The following RBFOX2 variants were observed in gnomAD, a reference collection of about 807,000 sequenced individuals.
RBFOX2 encodes the protein RNA binding protein fox-1 homolog 2.
A neutral mutation model predicts 49.1 loss-of-function variants in RBFOX2; 10 were observed. The observed-to-expected ratio is 0.20, with a 90% confidence interval of 0.13 to 0.35. The LOEUF (loss-of-function observed/expected upper bound fraction) is 0.35. RBFOX2 is among the 10% of genes least tolerant of loss of function. The probability of loss-of-function intolerance (pLI) is 1.00; values close to 1 mark genes in which losing one functional copy is unlikely to be tolerated. For missense variants in RBFOX2, 323 were observed against 486.9 expected (o/e 0.66, Z 3.17); for synonymous variants, 183 against 187.4 (o/e 0.98, Z 0.19).
chr22:35,755,760 T>C (rs1462131684), intron 9 of RBFOX2, among the ~76,000 whole-genome samples: 2 of 152,012 alleles, frequency 1.3e-5, no homozygotes, highest in Admixed American at 1.3e-4. Flanking sequence ...GACACGACAA[T>C]AATAAAAGAC....
intron 9 of RBFOX2, among the ~76,000 whole-genome samples, chr22:35,754,616 TG>T (rs1936293336): frequency 1.3e-5 from 2 of 152,242 alleles, no homozygotes; most frequent in Admixed American, 1.3e-4. Flanking sequence ...TAACATCATA[TG>T]TAAGTCTGTG....
At chr22:35,976,710 C>A (rs1197503189) in intron 1 of RBFOX2, among the ~76,000 whole-genome samples, 2 of 152,136 alleles carry the variant, frequency 1.3e-5, no homozygotes, top group Non-Finnish European at 2.9e-5. Flanking sequence ...CATCTATAAT[C>A]CCAGCACTTT....
At chr22:35,825,196 G>A (rs977545519) in intron 1 of RBFOX2, among the ~76,000 whole-genome samples, 2 of 152,160 alleles carry the variant, frequency 1.3e-5, no homozygotes, top group African/African-American at 2.4e-5. Context: ...CTCCAGCCTG[G>A]GAGTGCAGTT....
chr22:35,999,351 C>T (rs1034222255), intron 1 of RBFOX2: 2 of 149,200 alleles, frequency 1.3e-5, no homozygotes, highest in African/African-American at 5.0e-5. Context: ...TCAAGACCAG[C>T]CTGGGTAACA....
intron 1 of RBFOX2, among the ~76,000 whole-genome samples, chr22:35,934,556 C>CT (rs1044245000): frequency 4.6e-5 from 7 of 152,104 alleles, no homozygotes; most frequent in African/African-American, 1.7e-4. Context: ...ATATGGTCAC[C>CT]TTATTTATAA....
Position 35,749,879 on chromosome 22 carries a change from T to A in RBFOX2, c.888-3318A>T, listed in dbSNP as rs1427612579. Among the ~76,000 whole-genome samples, 1 of 152,136 alleles carries A rather than the reference T, an allele frequency of 6.6e-6. No homozygotes were observed. Among genetic ancestry groups the A allele is most frequent in the African/African-American group, 2.4e-5 (1 of 41,418 alleles). ...ACATTAAAAACTAAGCATGCCAACA[T>A]CTGGAGCTAAACAACCAGCAAAATC... is the stretch of plus-strand genomic sequence containing the variant. On this transcript the variant is annotated intron_variant, in intron 9 of 11. Coordinates refer to ENST00000405409, the Ensembl canonical transcript of RBFOX2. This position sits in a 1 kb window ranked among gnomAD's most constrained non-coding sequence, Gnocchi z 4.1.
At chr22:35,820,399 T>C (rs1236538150) in intron 1 of RBFOX2, among the ~76,000 whole-genome samples, 1 of 152,198 alleles carries the variant, frequency 6.6e-6, no homozygotes, top group African/African-American at 2.4e-5. Context: ...TTCTTTCTGC[T>C]TAGAAAGCTT....
chr22:36,022,964 C>G (rs933955922), intron 1 of RBFOX2, among the ~76,000 whole-genome samples: 1 of 152,072 alleles, frequency 6.6e-6, no homozygotes, highest in Non-Finnish European at 1.5e-5. Flanking sequence ...TTTAAGCCAC[C>G]CAGTCTATGG....
chr22:35,844,786 G>A (rs1402305064), upstream of RBFOX2, among the ~76,000 whole-genome samples: 3 of 151,844 alleles, frequency 2.0e-5, no homozygotes, highest in Non-Finnish European at 2.9e-5. Context: ...GATTACAGGC[G>A]TGAGCCACCG....
chr22:35,886,673 G>C (rs1054006002), intron 1 of RBFOX2, among the ~76,000 whole-genome samples: 4 of 152,170 alleles, frequency 2.6e-5, no homozygotes, highest in Admixed American at 2.0e-4. Flanking sequence ...ACACAGAGAA[G>C]GGACAGTAAA....
intron 1 of RBFOX2, among the ~76,000 whole-genome samples, chr22:35,915,464 T>C (rs1009815646): frequency 6.6e-6 from 1 of 152,200 alleles, no homozygotes; most frequent in Non-Finnish European, 1.5e-5. Context: ...TTCAAAGCTA[T>C]GTACAAAATA....
intron 4 of RBFOX2, among the ~76,000 whole-genome samples, chr22:35,776,154 C>T (rs1404341530): frequency 2.0e-5 from 3 of 152,120 alleles, no homozygotes; most frequent in African/African-American, 7.2e-5. Flanking sequence ...CATTCATGTG[C>T]TTCTTATCTC....
At chr22:35,842,340 A>C (rs2040615419), upstream of RBFOX2, among the ~76,000 whole-genome samples, 1 of 152,230 alleles carries the variant, frequency 6.6e-6, no homozygotes, top group Non-Finnish European at 1.5e-5. Flanking sequence ...AATATAGATA[A>C]GTACTAGGCC....
At chr22:35,752,657 T>C in intron 9 of RBFOX2, 1 of 983,586 alleles carries the variant, frequency 1.0e-6, no homozygotes, top group Non-Finnish European at 1.2e-6. Flanking sequence ...AAGACTATTC[T>C]ATAACAGAAC....
intron 1 of RBFOX2, chr22:36,000,001 A>AT (rs1422754384): frequency 7.8e-5 from 8 of 102,064 alleles, no homozygotes; most frequent in African/African-American, 2.9e-4. Context: ...ATATATATAT[A>AT]TATATTTTTT....
intron 1 of RBFOX2, among the ~76,000 whole-genome samples, chr22:35,877,982 C>A (rs1424661080): frequency 6.6e-6 from 1 of 151,174 alleles, no homozygotes; most frequent in African/African-American, 2.4e-5. Context: ...AAAGAGGAGA[C>A]AGGTGGGAAA....
At chr22:35,956,989 G>C (rs1180263354) in intron 1 of RBFOX2, among the ~76,000 whole-genome samples, 2 of 152,162 alleles carry the variant, frequency 1.3e-5, no homozygotes, top group Non-Finnish European at 2.9e-5. Flanking sequence ...TAACTACTCA[G>C]TCGTCATTAC....
upstream of RBFOX2, among the ~76,000 whole-genome samples, chr22:35,841,037 G>A (rs934255645): frequency 9.2e-5 from 14 of 152,066 alleles, no homozygotes; most frequent in Admixed American, 2.0e-4. Context: ...GGTAATGAGA[G>A]GTAATTTAAA....
chr22:35,926,722 C>T (rs780750008), intron 1 of RBFOX2, among the ~76,000 whole-genome samples: 7 of 152,176 alleles, frequency 4.6e-5, no homozygotes, highest in Non-Finnish European at 8.8e-5. Flanking sequence ...CATCATTCAT[C>T]TATCCACAGA....
Sources: gnomAD v4.1 joint callset for allele counts (sites outside exome capture counted in the v4.1 genomes callset) on GRCh38, gnomAD v4.1.1 for gene constraint, Gnocchi (gnomAD v3.1) non-coding constraint, MANE v1.5 for transcripts, NCBI Gene and HGNC (gene_info 2026-07-23, HGNC 2026-07-21) for gene names.